The following GRIA1 variants were observed in gnomAD, a reference collection of about 807,000 sequenced individuals.
GRIA1 encodes glutamate receptor 1.
Under a neutral mutation model 99.2 loss-of-function variants are expected in GRIA1, and 31 were observed. That is an observed-to-expected ratio of 0.31 (90% confidence interval 0.23 to 0.42). The LOEUF (loss-of-function observed/expected upper bound fraction) is 0.42. Among genes scored for constraint, GRIA1 ranks in the 10% least tolerant of loss-of-function variants. GRIA1 has a pLI of 1.00. For synonymous variants in GRIA1, 438 were observed against 432.4 expected (o/e 1.01, Z -0.16); for missense variants, 782 against 1,157.5 (o/e 0.68, Z 4.71).
At chr5:153,685,895 G>C (rs779970373) in intron 7 of GRIA1, among the ~76,000 whole-genome samples, 1 of 152,190 alleles carries the variant, frequency 6.6e-6, no homozygotes, top group Non-Finnish European at 1.5e-5. Context: ...TATCTGAGAA[G>C]GGCAGTGGTC....
intron 2 of GRIA1, among the ~76,000 whole-genome samples, chr5:153,551,246 ATT>A (rs1760112230): frequency 6.6e-6 from 1 of 152,118 alleles, no homozygotes; most frequent in Non-Finnish European, 1.5e-5. Flanking sequence ...TGTTGATTTT[ATT>A]TGTCTTCGTG....
In GRIA1 at chr5:153,650,362, G is replaced by A. The variant is rs778542948; in HGVS notation, c.493G>A (p.Ala165Thr). ...LSVLQKVLDT[A>T]AEKNWQVTAV... ...CGTCCTGCAGAAAGTCCTGGATACA[G>A]CTGCTGAGAAGAACTGGCAGGTGAC... Residue 165 changes from alanine (A) to threonine (T), a missense_variant, in exon 4 of 16, where the codon GCT (alanine) becomes ACT (threonine). This residue lies in a region of GRIA1 where 461 missense variants were observed against 521.7 expected (regional missense o/e 0.88). Transcript: ENST00000285900. The A allele has an allele frequency of 1.9e-6, 3 of 1,613,968 alleles. No individual in the cohort carries two copies. The highest frequency in any genetic ancestry group is 1.3e-5 in the African/African-American group (1 of 75,034).
At chr5:153,510,884 A>G (rs1160838737) in intron 2 of GRIA1, among the ~76,000 whole-genome samples, 1 of 152,142 alleles carries the variant, frequency 6.6e-6, no homozygotes, top group East Asian at 1.9e-4. Context: ...AGTGCTTCCC[A>G]TTAGAACTGT....
At chr5:153,612,981 T>C (rs995872619) in intron 2 of GRIA1, among the ~76,000 whole-genome samples, 2 of 152,218 alleles carry the variant, frequency 1.3e-5, no homozygotes. Flanking sequence ...TTTCTCTGCC[T>C]TGTGTGCTTC....
chr5:153,565,721 C>T (rs915614117), intron 2 of GRIA1, among the ~76,000 whole-genome samples: 2 of 152,014 alleles, frequency 1.3e-5, no homozygotes, highest in African/African-American at 4.8e-5. Flanking sequence ...TTGTGACTGG[C>T]CTCTTTCACT....
chr5:153,660,079 A>G (rs369977150), intron 5 of GRIA1, among the ~76,000 whole-genome samples: 13 of 152,330 alleles, frequency 8.5e-5, no homozygotes, highest in African/African-American at 3.1e-4. Context: ...AGGCTGAGAC[A>G]TTACATGACT....
At chr5:153,503,159 TTC>T (rs1712250042) in intron 2 of GRIA1, among the ~76,000 whole-genome samples, 1 of 152,210 alleles carries the variant, frequency 6.6e-6, no homozygotes, top group African/African-American at 2.4e-5. Context: ...GCTGTGATAT[TTC>T]TCTCAATAAA....
At chr5:153,653,510 A>G (rs983284351) in intron 4 of GRIA1, among the ~76,000 whole-genome samples, 2 of 152,242 alleles carry the variant, frequency 1.3e-5, no homozygotes, top group African/African-American at 4.8e-5. Flanking sequence ...TTATTAGAAT[A>G]TAATACTTTA....
At chr5:153,708,633 T>C (rs911867865) in intron 11 of GRIA1, among the ~76,000 whole-genome samples, 11 of 152,260 alleles carry the variant, frequency 7.2e-5, no homozygotes, top group Non-Finnish European at 1.2e-4. Context: ...GGATGCTTTT[T>C]TTATTATGTT....
At chr5:153,706,108 TTTTGTTTGTTTG>T (rs140268951) in intron 11 of GRIA1, 41 bp downstream of exon 11, 4 of 1,348,898 alleles carry the variant, frequency 3.0e-6, no homozygotes, top group East Asian at 2.3e-5. Context: ...AATGCTATGG[TTTTGTTTGTTTG>T]TTTGTTTGTT....
intron 2 of GRIA1, among the ~76,000 whole-genome samples, chr5:153,642,131 C>T (rs567963583): frequency 1.4e-4 from 21 of 152,316 alleles, no homozygotes; most frequent in African/African-American, 5.1e-4. Flanking sequence ...AGTAATGCCT[C>T]TTTATCTGGC....
chr5:153,597,747 C>A (rs779138948), intron 2 of GRIA1, among the ~76,000 whole-genome samples: 3 of 152,046 alleles, frequency 2.0e-5, no homozygotes, highest in Non-Finnish European at 4.4e-5. Context: ...GTGGCTTATG[C>A]CTGTAATTCC....
At chr5:153,525,393 G>A (rs1757500363) in intron 2 of GRIA1, 1 of 152,118 alleles carries the variant, frequency 6.6e-6, no homozygotes, top group East Asian at 1.9e-4. Flanking sequence ...TGTCAATAAT[G>A]CTGAGGTTAA....
chr5:153,629,662 A>G (rs1476283350), intron 2 of GRIA1, among the ~76,000 whole-genome samples: 2 of 152,220 alleles, frequency 1.3e-5, no homozygotes, highest in African/African-American at 4.8e-5. Flanking sequence ...TGTAGTAGGC[A>G]TTTCTGCCTT....
chr5:153,540,516 A>G (rs1423510293), intron 2 of GRIA1, among the ~76,000 whole-genome samples: 2 of 151,906 alleles, frequency 1.3e-5, no homozygotes, highest in African/African-American at 4.8e-5. Flanking sequence ...CTCTGCCTCA[A>G]CTCCCATGGT....
chr5:153,808,383 C>CG (rs1003623290), intron 15 of GRIA1, among the ~76,000 whole-genome samples: 3 of 150,750 alleles, frequency 2.0e-5, no homozygotes, highest in Non-Finnish European at 3.0e-5. Context: ...TTAGCCACGA[C>CG]GGGGGGCGGG....
intron 2 of GRIA1, among the ~76,000 whole-genome samples, chr5:153,534,338 C>T (rs1240232796): frequency 6.6e-6 from 1 of 152,110 alleles, no homozygotes; most frequent in African/African-American, 2.4e-5. Context: ...AAATGCCCCT[C>T]TGGGGAGAAG....
intron 2 of GRIA1, among the ~76,000 whole-genome samples, chr5:153,507,786 A>C (rs1443378559): frequency 1.3e-5 from 2 of 152,184 alleles, no homozygotes; most frequent in Non-Finnish European, 2.9e-5. Flanking sequence ...TTTTAAGTTC[A>C]AACTCAGACT....
At chr5:153,664,094 A>G (rs1755573141) in intron 5 of GRIA1, among the ~76,000 whole-genome samples, 1 of 152,230 alleles carries the variant, frequency 6.6e-6, no homozygotes, top group African/African-American at 2.4e-5. Context: ...CTATGTAACT[A>G]GAAGAGTCTG....
Sources: allele counts gnomAD v4.1 joint callset (sites outside exome capture counted in the v4.1 genomes callset), GRCh38; gene constraint gnomAD v4.1.1; regional missense constraint gnomAD v4.1.1; transcripts MANE v1.5; gene names NCBI Gene and HGNC (gene_info 2026-07-23, HGNC 2026-07-21).